The following ANK3 variants were observed in gnomAD, a reference collection of about 807,000 sequenced individuals.
ANK3 encodes ankyrin-3.
In ANK3, 57 loss-of-function variants were observed where a neutral mutation model predicts 370.9. The ratio of observed to expected loss-of-function variants is 0.15; its 90% CI spans 0.12 to 0.19. ANK3 has a LOEUF of 0.19. Among genes scored for constraint, ANK3 ranks in the 10% least tolerant of loss-of-function variants. The pLI is 1.00. For synonymous variants in ANK3, 1,929 were observed against 1,946.3 expected (o/e 0.99, Z 0.23); for missense variants, 4,439 against 5,302.1 (o/e 0.84, Z 5.06).
intron 1 of ANK3, among the ~76,000 whole-genome samples, chr10:60,367,456 A>G (rs1461384609): frequency 6.6e-6 from 1 of 152,232 alleles, no homozygotes; most frequent in African/African-American, 2.4e-5. Context: ...TTAGAGAAAG[A>G]AAGAAATGAA....
At chr10:60,402,305 A>G (rs879663894) in intron 2 of ANK3, among the ~76,000 whole-genome samples, 10 of 152,246 alleles carry the variant, frequency 6.6e-5, no homozygotes, top group South Asian at 2.1e-4. Context: ...AAAAAAATGC[A>G]TAAGTATTAA....
chr10:60,462,594 T>C (rs1290425638), intron 2 of ANK3, among the ~76,000 whole-genome samples: 1 of 152,020 alleles, frequency 6.6e-6, no homozygotes, highest in East Asian at 1.9e-4. Flanking sequence ...CTTTTTTTTT[T>C]TTTTTAAAGA....
At chr10:60,563,593 T>C (rs148024907) in intron 2 of ANK3, among the ~76,000 whole-genome samples, 1,863 of 152,322 alleles carry the variant, frequency 0.012, 18 homozygotes, top group Middle Eastern at 0.02. Flanking sequence ...ATAAAGACTA[T>C]AAATAGCTTC....
At chr10:60,680,423 C>A (rs897593831) in intron 1 of ANK3, among the ~76,000 whole-genome samples, 1 of 152,162 alleles carries the variant, frequency 6.6e-6, no homozygotes, top group African/African-American at 2.4e-5. Flanking sequence ...CCTTTCAAAA[C>A]CAGTTACCTC....
At chr10:60,192,127 C>T (rs1452161587) in intron 16 of ANK3, among the ~76,000 whole-genome samples, 3 of 152,076 alleles carry the variant, frequency 2.0e-5, no homozygotes, top group South Asian at 2.1e-4. Context: ...CTCCTGACCT[C>T]GTGATCCACC....
At chr10:60,465,337 A>T (rs1401859796) in intron 2 of ANK3, among the ~76,000 whole-genome samples, 1 of 152,186 alleles carries the variant, frequency 6.6e-6, no homozygotes, top group East Asian at 1.9e-4. Flanking sequence ...TTGTGTAGGA[A>T]TTTTTAGATC....
chr10:60,402,782 CA>C (rs1415620262), intron 2 of ANK3, among the ~76,000 whole-genome samples: 1 of 152,200 alleles, frequency 6.6e-6, no homozygotes, highest in Admixed American at 6.5e-5. Flanking sequence ...AGCCAAGCCC[CA>C]GCAGCAGCAT....
At chr10:60,678,720 C>A (rs1198458819) in intron 1 of ANK3, among the ~76,000 whole-genome samples, 1 of 152,026 alleles carries the variant, frequency 6.6e-6, no homozygotes, top group Non-Finnish European at 1.5e-5. Context: ...AATATTAAGA[C>A]AAAAATAAGC....
chr10:60,497,852 CACAA>C (rs1439319830), intron 2 of ANK3, among the ~76,000 whole-genome samples: 1 of 152,164 alleles, frequency 6.6e-6, no homozygotes, highest in African/African-American at 2.4e-5. Flanking sequence ...ACCGCACACT[CACAA>C]ACAAAATATG....
chr10:60,683,893 C>G (rs901087272), intron 1 of ANK3, among the ~76,000 whole-genome samples: 4 of 152,166 alleles, frequency 2.6e-5, no homozygotes, highest in African/African-American at 9.7e-5. Context: ...GAAGGACAGA[C>G]AGATGAACAG....
At chr10:60,696,294 T>C (rs1413634715) in intron 1 of ANK3, among the ~76,000 whole-genome samples, 1 of 149,304 alleles carries the variant, frequency 6.7e-6, no homozygotes, top group Non-Finnish European at 1.5e-5. Flanking sequence ...CAGGACCAGA[T>C]GGATTCACAG....
At chr10:60,340,881 T>A (rs1420360043) in intron 1 of ANK3, among the ~76,000 whole-genome samples, 1 of 152,196 alleles carries the variant, frequency 6.6e-6, no homozygotes, top group African/African-American at 2.4e-5. Flanking sequence ...AATGACTCTA[T>A]GAATTCTATT....
chr10:60,326,550 C>T (rs145426945), intron 1 of ANK3, among the ~76,000 whole-genome samples: 8 of 152,032 alleles, frequency 5.3e-5, no homozygotes, highest in African/African-American at 1.4e-4. Flanking sequence ...TGGGTTCTAA[C>T]GCTTCCTCTC....
At chr10:60,196,846 A>G (rs1188520059) in intron 14 of ANK3, among the ~76,000 whole-genome samples, 1 of 152,132 alleles carries the variant, frequency 6.6e-6, no homozygotes, top group Non-Finnish European at 1.5e-5. Flanking sequence ...ACAGGGTGTG[A>G]GCATAACATA....
intron 1 of ANK3, among the ~76,000 whole-genome samples, chr10:60,725,361 A>T (rs1256299224): frequency 6.6e-6 from 1 of 152,160 alleles, no homozygotes; most frequent in East Asian, 1.9e-4. Flanking sequence ...AACCTTGGAC[A>T]TGTCCTCTTG....
intron 1 of ANK3, among the ~76,000 whole-genome samples, chr10:60,308,106 T>A (rs1202193516): frequency 6.6e-6 from 1 of 152,196 alleles, no homozygotes; most frequent in Non-Finnish European, 1.5e-5. Flanking sequence ...GGGCAAATGA[T>A]CTAATCTACA....
chr10:60,111,344 G>A (rs2092694579), intron 26 of ANK3, among the ~76,000 whole-genome samples: 1 of 152,096 alleles, frequency 6.6e-6, no homozygotes, highest in Non-Finnish European at 1.5e-5. Context: ...ATTGTTCTGA[G>A]GTTCTCAACT....
chr10:60,131,950 T>C (rs1220059049), intron 25 of ANK3, among the ~76,000 whole-genome samples: 1 of 152,230 alleles, frequency 6.6e-6, no homozygotes, highest in Non-Finnish European at 1.5e-5. Context: ...AAAGTGTCAT[T>C]GATACCTGGG....
chr10:60,301,191 T>A (rs2043651851), intron 1 of ANK3, among the ~76,000 whole-genome samples: 1 of 148,090 alleles, frequency 6.8e-6, no homozygotes, highest in Admixed American at 6.8e-5. Context: ...ATAATCTATG[T>A]GTGTGTATAT....
Sources: allele counts gnomAD v4.1 joint callset (sites outside exome capture counted in the v4.1 genomes callset), GRCh38; gene constraint gnomAD v4.1.1; transcripts MANE v1.5; gene names NCBI Gene and HGNC (gene_info 2026-07-23, HGNC 2026-07-21).